Variants in FGFR2 observed in about 807,000 individuals in gnomAD.
The protein encoded by FGFR2 is fibroblast growth factor receptor 2.
Under a neutral mutation model 95.9 loss-of-function variants are expected in FGFR2, and 19 were observed. That is an observed-to-expected ratio of 0.20 (90% confidence interval 0.14 to 0.29). The LOEUF (loss-of-function observed/expected upper bound fraction) is 0.29, where lower values mean the gene tolerates loss of function less well. Ranked by LOEUF, FGFR2 falls within the 10% of genes least tolerant of loss-of-function variation. The probability of loss-of-function intolerance (pLI) is 1.00; values close to 1 mark genes in which losing one functional copy is unlikely to be tolerated. For missense variants in FGFR2, 707 were observed against 1,056.9 expected, an observed-to-expected ratio of 0.67 and a Z score of 4.59; for synonymous variants, 392 against 393.3, an observed-to-expected ratio of 1.00 and a Z score of 0.04.
chr10:121,514,208 TCA>T, intron 9 of FGFR2, among the ~76,000 whole-genome samples: 1 of 152,336 alleles, frequency 6.6e-6, no homozygotes, highest in East Asian at 1.9e-4. Flanking sequence ...ACTTGCTATT[TCA>T]AAAGAAACCT....
At chr10:121,511,565 C>A (rs574813384) in intron 9 of FGFR2, among the ~76,000 whole-genome samples, 20 of 152,186 alleles carry the variant, frequency 1.3e-4, no homozygotes, top group Non-Finnish European at 2.9e-4. Context: ...AGAACCAACA[C>A]GCTCACAAAG....
At chr10:121,597,436 T>C (rs1029470197) in intron 1 of FGFR2, among the ~76,000 whole-genome samples, 1 of 152,086 alleles carries the variant, frequency 6.6e-6, no homozygotes, top group Non-Finnish European at 1.5e-5. Context: ...AGCCGTCGCC[T>C]CCCCAGCAGT....
At chr10:121,546,639 G>A (rs1487742212) in intron 5 of FGFR2, among the ~76,000 whole-genome samples, 2 of 152,098 alleles carry the variant, frequency 1.3e-5, no homozygotes, top group Non-Finnish European at 2.9e-5. Flanking sequence ...CTTTGACTTT[G>A]TTTTGCTTTT....
intron 5 of FGFR2, among the ~76,000 whole-genome samples, chr10:121,548,245 C>CTTTTTTTTTTTTTTTTTTTTTTTTTTTTT (rs57061338): frequency 4.3e-5 from 2 of 46,700 alleles, no homozygotes; most frequent in Non-Finnish European, 8.3e-5. Flanking sequence ...CGCTTTTGGC[C>CTTTTTTTTTTTTTTTTTTTTTTTTTTTTT]TTTTTTTTTT....
chr10:121,494,396 A>G (rs1846509182), intron 13 of FGFR2, among the ~76,000 whole-genome samples: 1 of 151,952 alleles, frequency 6.6e-6, no homozygotes, highest in Admixed American at 6.6e-5. Flanking sequence ...GTGCTCTAGG[A>G]GTAGATGTTG....
rs1845265822 is a variant in FGFR2, at chr10:121,485,308, G to A, written c.2195+87C>T. 5 of 1,572,470 alleles carry A rather than the reference G, an allele frequency of 3.2e-6. No individual in the cohort carries two copies. In the Admixed American group the frequency reaches 8.3e-5, roughly 26 times the overall value. On this transcript the variant is annotated intron_variant, in intron 16 of 17. Coordinates refer to ENST00000358487, the MANE Select transcript of FGFR2 (RefSeq NM_000141.5). The surrounding 1 kb of genome is among the most constrained non-coding windows in gnomAD (Gnocchi z 4.2). ...CTTAGAGCATGTTTAGGAAACCAGG[G>A]GCCTTCAAAAACGAGATACATCAGG...
In FGFR2 at chr10:121,503,705, A is replaced by C; in HGVS notation, c.1439+85T>G. On this transcript the variant is annotated intron_variant, in intron 10 of 17. Transcript: ENST00000358487. ...CATCACACCAAGACCTTTGTGGCTAAGGGTCATAAAAAGAAAATGTTAATC... is the reference window on the plus strand; with the variant it reads ...CATCACACCAAGACCTTTGTGGCTACGGGTCATAAAAAGAAAATGTTAATC... The C allele has an allele frequency of 8.1e-6, 12 of 1,484,704 alleles. No individual in the cohort carries two copies. In the South Asian group the frequency reaches 9.1e-5, roughly 11 times the overall value. The allele number at this position is 1,484,704 out of a possible 1,614,324, so 92.0% of individuals were successfully genotyped here. A position where few individuals can be genotyped will look rare whatever the true frequency, so the allele number is the denominator to read the frequency against.
chr10:121,534,396 TTTC>T (rs750909038), intron 6 of FGFR2, among the ~76,000 whole-genome samples: 7 of 138,056 alleles, frequency 5.1e-5, no homozygotes, highest in Non-Finnish European at 9.3e-5. Context: ...CGCGCCCGGC[TTTC>T]TTTTTTCTTT....
At chr10:121,541,769 T>C (rs1011589792) in intron 5 of FGFR2, among the ~76,000 whole-genome samples, 1 of 152,242 alleles carries the variant, frequency 6.6e-6, no homozygotes, top group African/African-American at 2.4e-5. Flanking sequence ...TATTCAGTAC[T>C]TGGTGAATGT....
chr10:121,555,638 G>C (rs182236228), intron 4 of FGFR2, among the ~76,000 whole-genome samples: 9 of 152,208 alleles, frequency 5.9e-5, no homozygotes, highest in Admixed American at 2.0e-4. Flanking sequence ...CCACAAGAAT[G>C]ATGTTCTCCT....
intron 9 of FGFR2, among the ~76,000 whole-genome samples, chr10:121,513,379 C>A (rs1277686762): frequency 6.6e-6 from 1 of 152,078 alleles, no homozygotes; most frequent in Non-Finnish European, 1.5e-5. Context: ...CCAGCTGGCA[C>A]TGGGGAAAGA....
intron 4 of FGFR2, among the ~76,000 whole-genome samples, chr10:121,563,670 A>T (rs1484316738): frequency 6.6e-6 from 1 of 152,306 alleles, no homozygotes; most frequent in East Asian, 1.9e-4. Context: ...CCCAGAAAAT[A>T]GTATTATTAT....
rs1845306757 is a variant in FGFR2 at position 121,485,599 on chromosome 10, G to A, written c.2058-67C>T. ...CGTTGCCAAAACCTAAACACGCCCA[G>A]CTGAGACATAAACACCTCCTCACTT... On this transcript the variant is annotated intron_variant, in intron 15 of 17. Coordinates refer to ENST00000358487, the MANE Select transcript of FGFR2 (RefSeq NM_000141.5). This position sits in a 1 kb window ranked among gnomAD's most constrained non-coding sequence, Gnocchi z 4.2. 18 of 1,607,906 alleles carry A rather than the reference G, an allele frequency of 1.1e-5. No homozygotes were observed. The highest frequency in any genetic ancestry group is 1.5e-5 in the Non-Finnish European group (18 of 1,175,756).
chr10:121,531,054 A>G lies in FGFR2; in HGVS notation c.748+7538T>C, dbSNP rs1239158796. On this transcript the variant is annotated intron_variant, in intron 6 of 17. Transcript: ENST00000358487. The surrounding 1 kb of genome is among the most constrained non-coding windows in gnomAD (Gnocchi z 4.5). ...ATGCCAAGATTAAATGCCAGACCAA[A>G]TATTAGCCCTCTCTCCAGCCACCTC... is the stretch of plus-strand genomic sequence containing the variant. 6.6e-6 allele frequency among the ~76,000 whole-genome samples: 1 copy of G among 152,180 alleles called. No individual in the cohort carries two copies. Among genetic ancestry groups the G allele is most frequent in the East Asian group, 1.9e-4 (1 of 5,182 alleles).
At chr10:121,507,523 G>A (rs1371155434) in intron 9 of FGFR2, among the ~76,000 whole-genome samples, 2 of 152,214 alleles carry the variant, frequency 1.3e-5, no homozygotes, top group African/African-American at 4.8e-5. Flanking sequence ...GGGAGGCAGA[G>A]GTTGCGGTGA....
chr10:121,495,216 T>G (rs1273198408), intron 13 of FGFR2, among the ~76,000 whole-genome samples: 1 of 152,156 alleles, frequency 6.6e-6, no homozygotes, highest in Non-Finnish European at 1.5e-5. Context: ...GTTTAATTAG[T>G]TTCCCAAAAC....
rs553193866 is a variant in FGFR2 at position 121,507,094 on chromosome 10, A to G, written c.1288-3153T>C. Among the ~76,000 whole-genome samples, 8 of 152,290 alleles carry G rather than the reference A, an allele frequency of 5.3e-5. No individual in the cohort carries two copies. The East Asian group carries it at 1.4e-3, about 26-fold the overall frequency. Reference sequence around the variant, plus strand: ...CATCCTTCGATGTGGGCAACAGCCAATCCCGTTGCTGCCCTTCCTGTGCTC... The same window carrying G: ...CATCCTTCGATGTGGGCAACAGCCAGTCCCGTTGCTGCCCTTCCTGTGCTC... On this transcript the variant is annotated intron_variant, in intron 9 of 17. Transcript: ENST00000358487.
chr10:121,532,687 A>G (rs1852250820), intron 6 of FGFR2, among the ~76,000 whole-genome samples: 2 of 152,080 alleles, frequency 1.3e-5, no homozygotes, highest in African/African-American at 2.4e-5. Context: ...GCAGTCAACA[A>G]TTTCAGCCAT....
At position 121,483,710 on chromosome 10, in the gene FGFR2, G is replaced by A. The variant is rs41294229; in HGVS notation, c.2289C>T (p.Leu763=). The A allele has an allele frequency of 7.4e-6, 12 of 1,613,538 alleles. No homozygotes were observed. The highest frequency in any genetic ancestry group is 1.0e-5 in the Non-Finnish European group (12 of 1,179,600). ...LVEDLDRILT[L]TTNEEYLDLS... ...AGGAAGTTCTTACCTCATTGGTTGT[G>A]AGAGTGAGAATTCGATCCAAGTCTT... Residue 763 remains leucine, a synonymous_variant, in exon 17 of 18, where the codon CTC becomes CTT. Coordinates refer to ENST00000358487, the MANE Select transcript of FGFR2 (RefSeq NM_000141.5).
Sources: allele counts gnomAD v4.1 joint callset (sites outside exome capture counted in the v4.1 genomes callset), GRCh38; gene constraint gnomAD v4.1.1; non-coding constraint Gnocchi (gnomAD v3.1); transcripts MANE v1.5; gene names NCBI Gene and HGNC (gene_info 2026-07-23, HGNC 2026-07-21).